U2SURP: variants seen among roughly 807,000 people sequenced by gnomAD.
U2SURP encodes U2 snRNP associated SURP domain containing.
Under a neutral mutation model 144.9 loss-of-function variants are expected in U2SURP, and 9 were observed. That is an observed-to-expected ratio of 0.06 (90% CI 0.04 to 0.11). The LOEUF (loss-of-function observed/expected upper bound fraction) is 0.11, where lower values mean the gene tolerates loss of function less well. Among genes scored for constraint, U2SURP ranks in the 10% least tolerant of loss-of-function variants. U2SURP has a pLI of 1.00. For missense variants in U2SURP, 724 were observed against 1,226.7 expected, an observed-to-expected ratio of 0.59 and a Z score of 6.12; for synonymous variants, 408 against 396.8, an observed-to-expected ratio of 1.03 and a Z score of -0.33.
At chr3:143,028,241 A>G in intron 14 of U2SURP, 99 bp from the exon 15 acceptor site, 1 of 1,348,396 alleles carries the variant, frequency 7.4e-7, no homozygotes, top group Non-Finnish European at 1.0e-6. Context: ...TTTTATTTAG[A>G]ACTAAATAGG....
intron 14 of U2SURP, 32 bp from the exon 15 acceptor site, chr3:143,028,308 T>C: frequency 6.3e-7 from 1 of 1,581,692 alleles, no homozygotes; most frequent in Non-Finnish European, 8.6e-7. Context: ...TGTTAAAGAA[T>C]ATGATGTTTA....
At chr3:143,050,455 T>TA (rs1420819013) in intron 24 of U2SURP, among the ~76,000 whole-genome samples, 2 of 152,222 alleles carry the variant, frequency 1.3e-5, no homozygotes. Context: ...TGTGTTTTGA[T>TA]ATCTGGTGAT....
At chr3:143,009,591 C>G (rs968640160) in intron 1 of U2SURP, among the ~76,000 whole-genome samples, 2 of 150,856 alleles carry the variant, frequency 1.3e-5, no homozygotes, top group African/African-American at 4.9e-5. Context: ...GAGTAAGACT[C>G]TGTCTCAAGA....
chr3:143,033,445 T>C, intron 18 of U2SURP, 95 bp downstream of exon 18: 1 of 676,138 alleles, frequency 1.5e-6, no homozygotes, highest in East Asian at 2.9e-5. Flanking sequence ...CCTGCAAGAA[T>C]AAGAAGTACA....
chr3:143,025,695 T>C (rs1345402732), intron 13 of U2SURP: 1 of 152,176 alleles, frequency 6.6e-6, no homozygotes, highest in African/African-American at 2.4e-5. Context: ...GTTTTTAGTT[T>C]TTTGTTTTGA....
intron 1 of U2SURP, among the ~76,000 whole-genome samples, chr3:143,005,874 A>C (rs1354109829): frequency 6.6e-6 from 1 of 152,122 alleles, no homozygotes; most frequent in Non-Finnish European, 1.5e-5. Context: ...TTTTGGAATA[A>C]AAAGAAAAAC....
intron 27 of U2SURP, 45 bp from the exon 28 acceptor site, chr3:143,056,267 A>ATCCTT (rs1935147313): frequency 1.9e-6 from 3 of 1,545,316 alleles, no homozygotes; most frequent in Non-Finnish European, 2.6e-6. Context: ...AGTTTTGATC[A>ATCCTT]CATGAGTACT....
chr3:143,033,061 G>GC, intron 17 of U2SURP, 115 bp downstream of exon 17: 1 of 1,216,688 alleles, frequency 8.2e-7, no homozygotes. Context: ...GCAGTCTTAT[G>GC]TTATTTCTGC....
At chr3:143,006,051 G>A in intron 1 of U2SURP, among the ~76,000 whole-genome samples, 1 of 152,120 alleles carries the variant, frequency 6.6e-6, no homozygotes, top group East Asian at 1.9e-4. Context: ...TGAGGCTAAC[G>A]GTAGTGTTAG....
At chr3:143,015,208 T>C (rs1411297249) in intron 4 of U2SURP, among the ~76,000 whole-genome samples, 1 of 152,146 alleles carries the variant, frequency 6.6e-6, no homozygotes, top group Non-Finnish European at 1.5e-5. Flanking sequence ...ATTTCTCTCA[T>C]TATGAGTAAA....
chr3:143,047,889 C>CCT (rs1553846526), intron 24 of U2SURP, among the ~76,000 whole-genome samples: 1 of 142,658 alleles, frequency 7.0e-6, no homozygotes, highest in African/African-American at 2.6e-5. Context: ...CTGACCCCCC[C>CCT]CAACCTCCCT....
chr3:143,005,455 A>G (rs1935786464), intron 1 of U2SURP, among the ~76,000 whole-genome samples: 1 of 152,222 alleles, frequency 6.6e-6, no homozygotes, highest in African/African-American at 2.4e-5. Flanking sequence ...TGCCAATTTT[A>G]AACTGAATCT....
intron 20 of U2SURP, among the ~76,000 whole-genome samples, chr3:143,036,667 C>G (rs960942885): frequency 6.6e-6 from 1 of 152,076 alleles, no homozygotes; most frequent in Non-Finnish European, 1.5e-5. Flanking sequence ...GTGTTTCCAC[C>G]TACCATTGGA....
In U2SURP at chr3:143,021,504, T is replaced by C; in HGVS notation, c.801T>C (p.Asp267=). 2 of 1,613,914 alleles carry C rather than the reference T, an allele frequency of 1.2e-6. No individual in the cohort carries two copies. The part of the protein sequence containing the change: ...VLDDYAPGSH[D]VGDPSTTNLY... ...ATGATTACGCACCTGGCTCACATGA[T>C]GTAGGAGATCCAAGCACTACTAATT... Residue 267 remains aspartate (D), a synonymous_variant, in exon 10 of 28, where the codon GAT becomes GAC. Transcript: ENST00000473835.
At chr3:143,022,708 TGG>T (rs1453435373) in intron 11 of U2SURP, 46 bp downstream of exon 11, 9 of 1,550,448 alleles carry the variant, frequency 5.8e-6, no homozygotes, top group Non-Finnish European at 7.0e-6. Context: ...GATATTTCTT[TGG>T]TTTGGAAAAG....
intron 10 of U2SURP, among the ~76,000 whole-genome samples, chr3:143,021,884 ATAG>A (rs1302169879): frequency 6.6e-6 from 1 of 152,164 alleles, no homozygotes; most frequent in Admixed American, 6.5e-5. Context: ...TTTTCTTCTC[ATAG>A]TAGTAAACTA....
chr3:143,025,713 A>G (rs1177924335), intron 13 of U2SURP: 1 of 152,112 alleles, frequency 6.6e-6, no homozygotes, highest in Admixed American at 6.6e-5. Flanking sequence ...TGACAATTTG[A>G]GGTTGAATTA....
intron 25 of U2SURP, among the ~76,000 whole-genome samples, chr3:143,051,730 C>A (rs982356459): frequency 4.0e-5 from 6 of 151,800 alleles, no homozygotes; most frequent in African/African-American, 1.5e-4. Context: ...TGTTGGGGAG[C>A]AGTCTGGTAA....
intron 23 of U2SURP, 50 bp downstream of exon 23, chr3:143,039,010 C>G: frequency 8.1e-7 from 1 of 1,241,836 alleles, no homozygotes; most frequent in South Asian, 1.6e-5. Context: ...ATACACTCCC[C>G]TTTTCATTAA....
Sources: allele counts gnomAD v4.1 joint callset (sites outside exome capture counted in the v4.1 genomes callset), GRCh38; gene constraint gnomAD v4.1.1; transcripts MANE v1.5; gene names NCBI Gene and HGNC (gene_info 2026-07-23, HGNC 2026-07-21).